FEZ2: variants seen among roughly 807,000 people sequenced by gnomAD.
FEZ2 encodes fasciculation and elongation protein zeta-2.
Under a neutral mutation model 40.4 loss-of-function variants are expected in FEZ2, and 51 were observed. The ratio of observed to expected loss-of-function variants is 1.26; its 90% confidence interval spans 1.01 to 1.59. The LOEUF is 1.59. FEZ2 is among the 40% of genes most tolerant of loss of function. FEZ2 has a pLI of 0.00. For missense variants in FEZ2, 640 were observed against 438.3 expected, an observed-to-expected ratio of 1.46 and a Z score of -4.11; for synonymous variants, 242 against 172.0, an observed-to-expected ratio of 1.41 and a Z score of -3.18.
In FEZ2 at chr2:36,590,987, A is replaced by G. The variant is rs1669055972; in HGVS notation, c.291T>C (p.Asn97=). Residue 97 remains asparagine (N), a synonymous_variant, in exon 2 of 8, where the codon AAT becomes AAC. Coordinates refer to ENST00000405912, the MANE Select transcript of FEZ2 (RefSeq NM_005102.3). The part of the protein sequence containing the change: ...GDEIWNALTD[N]YGNVMPVDWK... ...AGTCTACAGGCATCACATTCCCATA[A>G]TTATCTGTCAGGGCATTCCAAATCC... is the stretch of plus-strand genomic sequence containing the variant. 6.2e-7 allele frequency: 1 copy of G among 1,610,164 alleles called. No individual in the cohort carries two copies. The highest frequency in any genetic ancestry group is 1.3e-5 in the African/African-American group (1 of 75,000).
intron 1 of FEZ2, 52 bp downstream of exon 1, chr2:36,597,825 G>A: frequency 7.8e-7 from 1 of 1,284,258 alleles, no homozygotes; most frequent in Non-Finnish European, 9.9e-7. Flanking sequence ...TGCCGGTCGG[G>A]CGAGGGGTAG....
At chr2:36,555,780 A>C (rs1667943781) in intron 6 of FEZ2, 32 bp from the exon 7 acceptor site, 2 of 1,299,320 alleles carry the variant, frequency 1.5e-6, no homozygotes, top group South Asian at 1.3e-5. Context: ...AAAAGACAAC[A>C]ATTAAAAATT....
At chr2:36,567,754 T>C (rs1338776220) in intron 5 of FEZ2, among the ~76,000 whole-genome samples, 1 of 146,466 alleles carries the variant, frequency 6.8e-6, no homozygotes, top group Admixed American at 6.9e-5. Flanking sequence ...AGAGCGAGAC[T>C]CTGTCTCAAA....
intron 5 of FEZ2, chr2:36,560,782 C>T (rs1445837531): frequency 1.3e-6 from 2 of 1,581,512 alleles, no homozygotes; most frequent in African/African-American, 1.4e-5. Flanking sequence ...GATAACCGAG[C>T]ACCTGTTTCT....
chr2:36,586,673 G>A (rs530806324), intron 2 of FEZ2, among the ~76,000 whole-genome samples: 13 of 151,864 alleles, frequency 8.6e-5, no homozygotes, highest in Admixed American at 3.3e-4. Context: ...GGTTGCCATG[G>A]CTCACACCTG....
At chr2:36,570,902 A>G (rs867462674) in intron 5 of FEZ2, among the ~76,000 whole-genome samples, 1 of 152,240 alleles carries the variant, frequency 6.6e-6, no homozygotes, top group Non-Finnish European at 1.5e-5. Flanking sequence ...GTATACAAGA[A>G]GAACACAATT....
At chr2:36,597,006 C>T (rs1304378428) in intron 1 of FEZ2, among the ~76,000 whole-genome samples, 1 of 152,146 alleles carries the variant, frequency 6.6e-6, no homozygotes, top group Non-Finnish European at 1.5e-5. Flanking sequence ...CGTGAACCTC[C>T]TATCATTGCT....
intron 5 of FEZ2, among the ~76,000 whole-genome samples, chr2:36,565,647 A>G (rs1668215860): frequency 6.6e-6 from 1 of 152,170 alleles, no homozygotes; most frequent in South Asian, 2.1e-4. Flanking sequence ...GGGCAATAGT[A>G]ATATATGTCC....
chr2:36,588,937 T>C (rs114072098), intron 2 of FEZ2, among the ~76,000 whole-genome samples: 428 of 152,356 alleles, frequency 2.8e-3, no homozygotes, highest in Non-Finnish European at 5.2e-3. Context: ...ATGGAAACTC[T>C]TCTATGCTAT....
At chr2:36,562,613 C>T (rs1668122281) in intron 5 of FEZ2, among the ~76,000 whole-genome samples, 1 of 152,178 alleles carries the variant, frequency 6.6e-6, no homozygotes, top group Non-Finnish European at 1.5e-5. Context: ...TCACTGAAAG[C>T]ATAACTATTA....
Position 36,583,392 on chromosome 2 carries a change from G to A in FEZ2, c.453C>T (p.Val151=), listed in dbSNP as rs200059829. The A allele has an allele frequency of 3.4e-5, 54 of 1,605,066 alleles. No individual in the cohort carries two copies. Among genetic ancestry groups the A allele is most frequent in the Admixed American group, 5.0e-5 (3 of 59,974 alleles). The change falls in exon 3 of 8, where the codon GTC becomes GTT. Residue 151 remains valine, a synonymous_variant. Coordinates refer to ENST00000405912, the MANE Select transcript of FEZ2 (RefSeq NM_005102.3). ...REQLDMHSII[V]SCVNDEPLFT... is the part of the protein sequence containing the mutation. Reference sequence around the variant, plus strand: ...AGAGGGGTTCATCATTAACACAGGAGACGATGATTGAGTGCATATCCAGCT... The same window carrying A: ...AGAGGGGTTCATCATTAACACAGGAAACGATGATTGAGTGCATATCCAGCT...
chr2:36,565,428 G>T (rs1330522541), intron 5 of FEZ2, among the ~76,000 whole-genome samples: 1 of 152,140 alleles, frequency 6.6e-6, no homozygotes, highest in Non-Finnish European at 1.5e-5. Context: ...CTTCCACTGT[G>T]CAATTTCCAT....
intron 2 of FEZ2, among the ~76,000 whole-genome samples, chr2:36,588,013 T>A (rs1209168295): frequency 9.2e-5 from 14 of 152,124 alleles, no homozygotes; most frequent in Non-Finnish European, 1.8e-4. Flanking sequence ...CTGCTGAGTT[T>A]TTCCAGGTAA....
At chr2:36,580,803 A>G (rs951168055) in intron 4 of FEZ2, among the ~76,000 whole-genome samples, 3 of 152,200 alleles carry the variant, frequency 2.0e-5, no homozygotes, top group African/African-American at 7.2e-5. Context: ...AGGTAATTAC[A>G]TTAAAATAAG....
At chr2:36,563,468 G>A (rs929094116) in intron 5 of FEZ2, among the ~76,000 whole-genome samples, 6 of 148,730 alleles carry the variant, frequency 4.0e-5, no homozygotes, top group Non-Finnish European at 8.9e-5. Context: ...ATCGCCTCTT[G>A]ATCCATTGGA....
intron 4 of FEZ2, among the ~76,000 whole-genome samples, chr2:36,580,258 C>A (rs1034761344): frequency 6.6e-6 from 1 of 152,206 alleles, no homozygotes; most frequent in Non-Finnish European, 1.5e-5. Flanking sequence ...CCCATACCTA[C>A]AGGAACATGG....
intron 5 of FEZ2, among the ~76,000 whole-genome samples, chr2:36,565,550 C>A (rs996005467): frequency 6.6e-6 from 1 of 152,094 alleles, no homozygotes; most frequent in Non-Finnish European, 1.5e-5. Context: ...CACACACCAC[C>A]CCCTCTGCTG....
chr2:36,575,375 G>C (rs1040226016), intron 5 of FEZ2, among the ~76,000 whole-genome samples: 2 of 152,024 alleles, frequency 1.3e-5, no homozygotes, highest in Non-Finnish European at 2.9e-5. Flanking sequence ...ATTTTGTAAA[G>C]ACAAGGTCTC....
intron 5 of FEZ2, among the ~76,000 whole-genome samples, chr2:36,566,854 GTCT>G (rs1177936725): frequency 3.3e-5 from 5 of 152,226 alleles, no homozygotes; most frequent in Non-Finnish European, 5.9e-5. Context: ...AACTTTAAAC[GTCT>G]TCTTATTTGT....
Sources: gnomAD v4.1 joint callset for allele counts (sites outside exome capture counted in the v4.1 genomes callset) on GRCh38, gnomAD v4.1.1 for gene constraint, MANE v1.5 for transcripts, NCBI Gene and HGNC (gene_info 2026-07-23, HGNC 2026-07-21) for gene names.